The following GSS variants were observed in gnomAD, a reference collection of about 807,000 sequenced individuals.
GSS encodes glutathione synthetase, also known as GSH synthetase.
Under a neutral mutation model 60.4 loss-of-function variants are expected in GSS, and 34 were observed. That is an observed-to-expected ratio of 0.56 (90% CI 0.43 to 0.75). The LOEUF is 0.75. Among genes scored for constraint, GSS ranks in the 30% least tolerant of loss-of-function variants. The probability of loss-of-function intolerance (pLI) is 0.00; values close to 1 mark genes in which losing one functional copy is unlikely to be tolerated. For synonymous variants in GSS, 224 were observed against 239.0 expected (o/e 0.94, Z 0.58); for missense variants, 499 against 595.1 (o/e 0.84, Z 1.68).
At chr20:34,933,373 G>T (rs2081417286) in intron 9 of GSS, among the ~76,000 whole-genome samples, 1 of 152,154 alleles carries the variant, frequency 6.6e-6, no homozygotes, top group South Asian at 2.1e-4. Context: ...CAATAGGGAA[G>T]GGATACTCAG....
chr20:34,928,562 C>T lies in GSS; in HGVS notation c.*266G>A. On this transcript the variant is annotated 3_prime_UTR_variant, in exon 13 of 13. Coordinates refer to ENST00000651619, the MANE Select transcript of GSS (RefSeq NM_000178.4). ...ACCTGCTGAAAAGGCTGATGAGGGG[C>T]TGACAGGAGTGGGGCAGGGTTCATG... 1 of 543,072 alleles carries T rather than the reference C, an allele frequency of 1.8e-6. No individual in the cohort carries two copies. The highest frequency in any genetic ancestry group is 3.3e-6 in the Non-Finnish European group (1 of 301,114). The allele number at this position is 543,072 out of a possible 1,614,324, so 33.6% of individuals were successfully genotyped here. A position where few individuals can be genotyped will look rare whatever the true frequency, so the allele number is the denominator to read the frequency against.
rs2081400664 is a variant in GSS at position 34,931,418 on chromosome 20, C to G, written c.1030-1G>C. 6 of 1,613,804 alleles carry G rather than the reference C, an allele frequency of 3.7e-6. No individual in the cohort carries two copies. Among genetic ancestry groups the G allele is most frequent in the Non-Finnish European group, 4.2e-6 (5 of 1,179,628 alleles). ...CGATGGCCTGGTCCCCTTCTTCACCCTGGCAGGAGGCAGAAAGCAGTTATC... is the reference window on the plus strand; with the variant it reads ...CGATGGCCTGGTCCCCTTCTTCACCGTGGCAGGAGGCAGAAAGCAGTTATC... On this transcript the variant is annotated splice_acceptor_variant, in intron 10 of 12. Coordinates refer to ENST00000651619, the MANE Select transcript of GSS (RefSeq NM_000178.4). LOFTEE classifies it high-confidence loss of function.
chr20:34,943,084 C>T lies in GSS; in HGVS notation c.276-78G>A. 6 of 902,284 alleles carry T rather than the reference C, an allele frequency of 6.6e-6. No homozygotes were observed. The South Asian group carries it at 7.0e-5, about 11-fold the overall frequency. The allele number at this position is 902,284 out of a possible 1,614,324, so 55.9% of individuals were successfully genotyped here. A position where few individuals can be genotyped will look rare whatever the true frequency, so the allele number is the denominator to read the frequency against. ...AAGGAGTCCCATCCTCAGTCATTGACTCCTGAATCCTCTCTGAGTCTACTG... is the reference window on the plus strand; with the variant it reads ...AAGGAGTCCCATCCTCAGTCATTGATTCCTGAATCCTCTCTGAGTCTACTG... On this transcript the variant is annotated intron_variant, in intron 3 of 12. Coordinates refer to ENST00000651619, the MANE Select transcript of GSS (RefSeq NM_000178.4).
chr20:34,953,616 CTTTCTT>C (rs1569019904), intron 1 of GSS, among the ~76,000 whole-genome samples: 5 of 137,644 alleles, frequency 3.6e-5, no homozygotes, highest in Non-Finnish European at 4.6e-5. Flanking sequence ...CTCCCTCTTT[CTTTCTT>C]TTTTTTTTTT....
At chr20:34,931,169 G>A (rs568505736) in intron 11 of GSS, among the ~76,000 whole-genome samples, 167 bp downstream of exon 11, 9 of 152,256 alleles carry the variant, frequency 5.9e-5, no homozygotes, top group Middle Eastern at 3.4e-3. Flanking sequence ...CTGTGCTCCC[G>A]GACTTGGTCA....
rs1177082348 is a variant in GSS, at chr20:34,931,376, G to T, written c.1071C>A (p.Ala357=). The change falls in exon 11 of 13, where the codon GCC becomes GCA. Residue 357 remains alanine, a synonymous_variant. Coordinates refer to ENST00000651619, the MANE Select transcript of GSS (RefSeq NM_000178.4). ...GDQAIAEALA[A]PSRFVLKPQR... is the part of the protein sequence containing the mutation. ...GGGGCTTTAGCACAAACCGGCTAGG[G>T]GCAGCAAGGGCCTCGGCGATGGCCT... 2 of 1,614,078 alleles carry T rather than the reference G, an allele frequency of 1.2e-6. No individual in the cohort carries two copies. The highest frequency in any genetic ancestry group is 4.5e-5 in the East Asian group (2 of 44,884).
At chr20:34,955,021 T>A (rs1265992355) in intron 1 of GSS, 1 of 152,252 alleles carries the variant, frequency 6.6e-6, no homozygotes, top group African/African-American at 2.4e-5. Flanking sequence ...CCAGGATATG[T>A]TGGCCTCTGT....
Position 34,955,753 on chromosome 20 carries a change from T to A in GSS, c.-35A>T, listed in dbSNP as rs942508014. 2 of 152,172 alleles carry A rather than the reference T, an allele frequency of 1.3e-5. No individual in the cohort carries two copies. The highest frequency in any genetic ancestry group is 1.5e-5 in the Non-Finnish European group (1 of 68,034). The allele number at this position is 152,172 out of a possible 1,614,324, so 9.4% of individuals were successfully genotyped here. On this transcript the variant is annotated 5_prime_UTR_variant, in exon 1 of 13. Transcript: ENST00000651619. ...AGTTCGCCTTTCCTCCGCGAACGGT[T>A]CTCCCGGCCCTCGCGCCGCTACCCA...
At chr20:34,944,422 C>T (rs2081505838) in intron 3 of GSS, among the ~76,000 whole-genome samples, 1 of 152,168 alleles carries the variant, frequency 6.6e-6, no homozygotes, top group Non-Finnish European at 1.5e-5. Flanking sequence ...AGGTGGTGGG[C>T]AGATTCATAC....
chr20:34,935,147 A>G (rs1422504385), intron 9 of GSS, among the ~76,000 whole-genome samples: 1 of 152,200 alleles, frequency 6.6e-6, no homozygotes, highest in Admixed American at 6.5e-5. Flanking sequence ...TAATGAAACT[A>G]CATGGTAGGA....
chr20:34,950,912 A>T (rs1241755552), intron 2 of GSS, among the ~76,000 whole-genome samples: 1 of 152,230 alleles, frequency 6.6e-6, no homozygotes, highest in African/African-American at 2.4e-5. Context: ...TCACCAAATT[A>T]AAAAAGATTT....
Position 34,931,921 on chromosome 20 carries a change from A to C in GSS, c.1029+18T>G. The C allele has an allele frequency of 6.2e-7, 1 of 1,610,952 alleles. No homozygotes were observed. Among genetic ancestry groups the C allele is most frequent in the Non-Finnish European group, 8.5e-7 (1 of 1,177,884 alleles). Reference sequence around the variant, plus strand: ...CACCTAGGAGGCCTGTGGTAGGAGAAACAGGCTGCCCACGTACCACATCCA... The same window carrying C: ...CACCTAGGAGGCCTGTGGTAGGAGACACAGGCTGCCCACGTACCACATCCA... On this transcript the variant is annotated intron_variant, in intron 10 of 12. Transcript: ENST00000651619.
In GSS at chr20:34,932,007, G is replaced by A. The variant is rs1337207111; in HGVS notation, c.961C>T (p.Leu321Phe). ...GCCACAGCCTCAGGCTGGCCAGGGA[G>A]CAACATCTCCAGCATGCCCGGCCTG... ...LSRPGMLEML[L>F]PGQPEAVARL... Residue 321 changes from leucine to phenylalanine, a missense_variant, in exon 10 of 13, where the codon CTC (leucine) becomes TTC (phenylalanine). Physicochemically the swap from Leu to Phe is conservative, Grantham distance 22 (BLOSUM62 0). Coordinates refer to ENST00000651619, the MANE Select transcript of GSS (RefSeq NM_000178.4). The A allele has an allele frequency of 6.2e-7, 1 of 1,614,228 alleles. No individual in the cohort carries two copies. The highest frequency in any genetic ancestry group is 8.5e-7 in the Non-Finnish European group (1 of 1,180,018).
At chr20:34,932,489 TCC>T (rs2081410022) in intron 9 of GSS, among the ~76,000 whole-genome samples, 1 of 152,142 alleles carries the variant, frequency 6.6e-6, no homozygotes, top group South Asian at 2.1e-4. Flanking sequence ...CCTTGTACCA[TCC>T]CTGACTCCTA....
chr20:34,935,807 C>T (rs889247933), intron 8 of GSS, among the ~76,000 whole-genome samples, 165 bp from the exon 9 acceptor site: 1 of 152,166 alleles, frequency 6.6e-6, no homozygotes, highest in Non-Finnish European at 1.5e-5. Context: ...TAGATATCCA[C>T]ACTACCAGGG....
intron 9 of GSS, among the ~76,000 whole-genome samples, chr20:34,934,782 C>G (rs557649453): frequency 3.3e-5 from 5 of 152,292 alleles, no homozygotes; most frequent in Non-Finnish European, 5.9e-5. Context: ...TAGCTCCCCC[C>G]GCTCATAGAA....
In GSS at chr20:34,946,072, G is replaced by C; in HGVS notation, c.156C>G (p.Leu52=). ...SEVVSYAPFT[L]FPSLVPSALL... is the part of the protein sequence containing the mutation. ...GGGCACTGGGGACCAGTGAGGGGAA[G>C]AGCGTGAATGGGGCATAGCTCACCA... The change falls in exon 3 of 13, where the codon CTC becomes CTG. Residue 52 remains leucine, a synonymous_variant. Transcript: ENST00000651619. The C allele has an allele frequency of 6.2e-7, 1 of 1,613,680 alleles. No homozygotes were observed. Among genetic ancestry groups the C allele is most frequent in the Non-Finnish European group, 8.5e-7 (1 of 1,179,664 alleles).
chr20:34,953,842 C>A (rs370836650), intron 1 of GSS, among the ~76,000 whole-genome samples: 2 of 152,112 alleles, frequency 1.3e-5, no homozygotes, highest in East Asian at 1.9e-4. Flanking sequence ...GTCTCGATCT[C>A]GTGATCCCCC....
intron 2 of GSS, among the ~76,000 whole-genome samples, chr20:34,950,602 C>T (rs948094247): frequency 3.4e-4 from 50 of 146,978 alleles, no homozygotes; most frequent in African/African-American, 1.3e-3. Flanking sequence ...CCTGTCCCTA[C>T]CAAAAAAAAA....
Sources: gnomAD v4.1 joint callset for allele counts (sites outside exome capture counted in the v4.1 genomes callset) on GRCh38, gnomAD v4.1.1 for gene constraint, MANE v1.5 for transcripts, NCBI Gene and HGNC (gene_info 2026-07-23, HGNC 2026-07-21) for gene names.